Variants in ANKRD34B observed in about 807,000 individuals in gnomAD.
ANKRD34B encodes the protein ankyrin repeat domain-containing protein 34B.
ANKRD34B carries 2 observed loss-of-function variants against 4.4 expected under a neutral mutation model. The ratio of observed to expected loss-of-function variants is 0.46; its 90% confidence interval spans 0.19 to 1.44. The LOEUF (loss-of-function observed/expected upper bound fraction) is 1.44, where lower values mean the gene tolerates loss of function less well. ANKRD34B is among the 40% of genes most tolerant of loss of function. The pLI is 0.26. For synonymous variants in ANKRD34B, 226 were observed against 227.1 expected, an observed-to-expected ratio of 0.99 and a Z score of 0.05; for missense variants, 558 against 604.7, an observed-to-expected ratio of 0.92 and a Z score of 0.81.
At position 80,556,919 on chromosome 5, in the gene ANKRD34B, A is replaced by C. The variant is rs1746252623; in HGVS notation, c.*1556T>G. 1.3e-5 allele frequency: 2 copies of C among 152,754 alleles called. No homozygotes were observed. Among genetic ancestry groups the C allele is most frequent in the East Asian group, 1.9e-4 (1 of 5,192 alleles). The allele number at this position is 152,754 out of a possible 1,614,324, so 9.5% of individuals were successfully genotyped here. Reference sequence around the variant, plus strand: ...ATATCAGGTACAATTCTAAGTTCTGAATCAAAAAATATTTCTAGTGTAATT... The same window carrying C: ...ATATCAGGTACAATTCTAAGTTCTGCATCAAAAAATATTTCTAGTGTAATT... On this transcript the variant is annotated 3_prime_UTR_variant, in exon 5 of 5. Transcript: ENST00000338682.
rs1746669301 is a variant in ANKRD34B, at chr5:80,568,962, A to C, written c.-193T>G. 6.7e-6 allele frequency: 1 copy of C among 149,350 alleles called. No homozygotes were observed. The highest frequency in any genetic ancestry group is 2.5e-5 in the African/African-American group (1 of 40,360). 9.3% of individuals were successfully genotyped at this position (149,350 alleles called of 1,614,324 possible). ...GAGAGAGAGAGAGAGAGGCCAACCT[A>C]GTCCTCCAAGTCTCAGGGAACCAAG... is the stretch of plus-strand genomic sequence containing the variant. On this transcript the variant is annotated splice_region_variant and 5_prime_UTR_variant, in exon 2 of 5. Transcript: ENST00000338682.
intron 3 of ANKRD34B, among the ~76,000 whole-genome samples, chr5:80,565,017 T>A (rs1358996728): frequency 6.6e-6 from 1 of 152,260 alleles, no homozygotes; most frequent in African/African-American, 2.4e-5. Flanking sequence ...TTTGCTCACT[T>A]TTTAACGTTT....
chr5:80,568,921 C>CAGAGAGAGAGAGAGAG (rs1414177718), intron 2 of ANKRD34B, 39 bp downstream of exon 2: 4 of 53,478 alleles, frequency 7.5e-5, no homozygotes, highest in African/African-American at 1.7e-4. Flanking sequence ...CACACACACA[C>CAGAGAGAGAGAGAGAG]ACACAGAGAG....
chr5:80,561,409 T>G (rs1283621137), intron 4 of ANKRD34B, among the ~76,000 whole-genome samples: 1 of 152,184 alleles, frequency 6.6e-6, no homozygotes, highest in Non-Finnish European at 1.5e-5. Flanking sequence ...AATAGATTTC[T>G]ATTTGATAAT....
At position 80,558,845 on chromosome 5, in the gene ANKRD34B, C is replaced by T. The variant is rs377516382; in HGVS notation, c.1175G>A (p.Gly392Glu). The change falls in exon 5 of 5, where the codon GGA (glycine) becomes GAA (glutamate). Residue 392 changes from glycine to glutamate, a missense_variant. Physicochemically the swap from Gly to Glu is moderately conservative, Grantham distance 98. Coordinates refer to ENST00000338682, the MANE Select transcript of ANKRD34B (RefSeq NM_001004441.3). ...AGATGGTGAGAGGATCTTTTTCTTT[C>T]CTATAAGTGCTTTGCCGTCTTCTGA... ...PTSEDGKALI[G>E]KKKILSPSPS... is the part of the protein sequence containing the mutation. 3 of 1,613,786 alleles carry T rather than the reference C, an allele frequency of 1.9e-6. No homozygotes were observed. The highest frequency in any genetic ancestry group is 2.5e-6 in the Non-Finnish European group (3 of 1,179,964).
chr5:80,568,001 G>C (rs949094603), intron 2 of ANKRD34B, among the ~76,000 whole-genome samples: 1 of 152,128 alleles, frequency 6.6e-6, no homozygotes, highest in African/African-American at 2.4e-5. Context: ...TAAAAGATCC[G>C]AACATACTTG....
chr5:80,564,984 C>T (rs534739241), intron 3 of ANKRD34B, among the ~76,000 whole-genome samples: 5 of 152,292 alleles, frequency 3.3e-5, no homozygotes, highest in African/African-American at 1.2e-4. Flanking sequence ...GGATTACAGG[C>T]GTGCGCCACT....
intron 4 of ANKRD34B, among the ~76,000 whole-genome samples, chr5:80,560,329 T>G (rs1447262587): frequency 6.6e-6 from 1 of 152,156 alleles, no homozygotes; most frequent in African/African-American, 2.4e-5. Context: ...ATAATTTACC[T>G]GTGAAAAATA....
intron 1 of ANKRD34B, among the ~76,000 whole-genome samples, chr5:80,569,574 GCGGAGACGCGCCCAAGTCAGCCCCTC>G (rs72164443): frequency 0.8 from 120,536 of 150,866 alleles, 48,745 homozygotes; most frequent in East Asian, 0.98. Flanking sequence ...CGAGGCACCT[GCGGAGACGCGCCCAAGTCAGCCCCTC>G]CGGAGACGCG....
Position 80,559,710 on chromosome 5 carries a change from G to A in ANKRD34B, c.310C>T (p.Leu104Phe). The A allele has an allele frequency of 6.2e-7, 1 of 1,614,180 alleles. No individual in the cohort carries two copies. The highest frequency in any genetic ancestry group is 8.5e-7 in the Non-Finnish European group (1 of 1,180,038). ...EKAGPEVVSL[L>F]LKSGADLSLQ... ...CTGAGGTCAGCCCCACTCTTGAGGA[G>A]CAAGGAAACAACTTCAGGGCCAGCT... The change falls in exon 5 of 5, where the codon CTC becomes TTC. Residue 104 changes from leucine (L) to phenylalanine (F), a missense_variant. Leu to Phe is a conservative substitution (Grantham distance 22, BLOSUM62 0). Transcript: ENST00000338682.
rs1561392958 is a variant in ANKRD34B at position 80,559,806 on chromosome 5, C to T, written c.214G>A (p.Glu72Lys). The T allele has an allele frequency of 6.2e-7, 1 of 1,614,210 alleles. No homozygotes were observed. ...TGTATGTTGGGATCGGCATTGTTCT[C>T]TAACAGGTATTTCACCATTTTGGCT... ...SKAKMVKYLL[E>K]NNADPNIQDK... Residue 72 changes from glutamate to lysine, a missense_variant, in exon 5 of 5, where the codon GAG becomes AAG. Glu to Lys is a moderately conservative substitution (Grantham distance 56). Coordinates refer to ENST00000338682, the MANE Select transcript of ANKRD34B (RefSeq NM_001004441.3).
In ANKRD34B at chr5:80,558,530, A is replaced by G; in HGVS notation, c.1490T>C (p.Leu497Ser). The change falls in exon 5 of 5, where the codon TTG (leucine) becomes TCG (serine). Residue 497 changes from leucine (L) to serine (S), a missense_variant. Coordinates refer to ENST00000338682, the MANE Select transcript of ANKRD34B (RefSeq NM_001004441.3). ...AGTTTGCAATGATTGTCTCCTTAAC[A>G]ACATTTTCTTACTTTTGAATTCTTT... is the stretch of plus-strand genomic sequence containing the variant. ...FPKEFKSKKM[L>S]LRRQSLQTEQ... The G allele has an allele frequency of 6.2e-7, 1 of 1,614,106 alleles. No individual in the cohort carries two copies. The highest frequency in any genetic ancestry group is 8.5e-7 in the Non-Finnish European group (1 of 1,180,004).
chr5:80,561,951 T>C (rs1454544718), intron 4 of ANKRD34B, among the ~76,000 whole-genome samples: 1 of 151,860 alleles, frequency 6.6e-6, no homozygotes, highest in Non-Finnish European at 1.5e-5. Flanking sequence ...AACCAAAGAA[T>C]TTTGTCAAAG....
At chr5:80,565,524 C>T (rs903490986) in intron 3 of ANKRD34B, among the ~76,000 whole-genome samples, 3 of 152,262 alleles carry the variant, frequency 2.0e-5, no homozygotes, top group African/African-American at 7.2e-5. Flanking sequence ...TCAAGTCTCT[C>T]AGCCTCTAGG....
intron 3 of ANKRD34B, among the ~76,000 whole-genome samples, chr5:80,565,353 T>TA (rs1746533914): frequency 6.6e-6 from 1 of 152,252 alleles, no homozygotes; most frequent in Non-Finnish European, 1.5e-5. Context: ...TGAGTGCTGA[T>TA]AGCATACTAA....
chr5:80,562,052 C>G (rs1317370037), intron 4 of ANKRD34B, among the ~76,000 whole-genome samples: 1 of 128,256 alleles, frequency 7.8e-6, no homozygotes, highest in East Asian at 2.7e-4. Context: ...ACTGACTCAG[C>G]GTGTGTGTGT....
At chr5:80,568,372 G>T (rs375945125) in intron 2 of ANKRD34B, among the ~76,000 whole-genome samples, 27 of 152,358 alleles carry the variant, frequency 1.8e-4, no homozygotes, top group African/African-American at 5.3e-4. Flanking sequence ...CTCCCCTGCA[G>T]GAGTGAAAGG....
intron 1 of ANKRD34B, among the ~76,000 whole-genome samples, chr5:80,569,766 T>C (rs1328552233): frequency 1.3e-5 from 2 of 152,040 alleles, no homozygotes; most frequent in Non-Finnish European, 2.9e-5. Flanking sequence ...TCGGCGAGGC[T>C]GAGAAGGAGG....
chr5:80,563,861 A>G (rs1226886601), intron 3 of ANKRD34B, 46 bp from the exon 4 acceptor site: 2 of 152,244 alleles, frequency 1.3e-5, no homozygotes, highest in Non-Finnish European at 2.9e-5. Context: ...GGATCATTTT[A>G]AAAGCATTTT....
Sources: gnomAD v4.1 joint callset for allele counts (sites outside exome capture counted in the v4.1 genomes callset) on GRCh38, gnomAD v4.1.1 for gene constraint, MANE v1.5 for transcripts, NCBI Gene and HGNC (gene_info 2026-07-23, HGNC 2026-07-21) for gene names.